Variants in RBFOX1 observed in about 807,000 individuals in gnomAD.
RBFOX1 encodes RNA binding fox-1 homolog 1.
In RBFOX1, 8 loss-of-function variants were observed where a neutral mutation model predicts 57.7. That is an observed-to-expected ratio of 0.14 (90% confidence interval 0.08 to 0.25). RBFOX1 has a LOEUF of 0.25. Among genes scored for constraint, RBFOX1 ranks in the 10% least tolerant of loss-of-function variants. The pLI is 1.00. For missense variants in RBFOX1, 611 were observed against 548.5 expected (o/e 1.11, Z -1.14); for synonymous variants, 326 against 222.4 (o/e 1.47, Z -4.15).
At chr16:7,329,867 A>G (rs528518118) in intron 4 of RBFOX1, among the ~76,000 whole-genome samples, 14 of 152,188 alleles carry the variant, frequency 9.2e-5, no homozygotes, top group Non-Finnish European at 1.9e-4. Flanking sequence ...TCCTGTATGT[A>G]ATATATCTCT....
intron 11 of RBFOX1, among the ~76,000 whole-genome samples, chr16:7,637,827 G>T (rs1202939387): frequency 6.6e-6 from 1 of 152,144 alleles, no homozygotes; most frequent in Non-Finnish European, 1.5e-5. Flanking sequence ...TCACTTCAAA[G>T]ATTAAAGGGG....
intron 4 of RBFOX1, among the ~76,000 whole-genome samples, chr16:7,064,629 C>G (rs545080109): frequency 6.6e-6 from 1 of 152,194 alleles, no homozygotes; most frequent in East Asian, 1.9e-4. Flanking sequence ...GCCTCCAGCA[C>G]TGTGGGGAAG....
At chr16:5,720,761 A>G (rs943303211) in intron 3 of RBFOX1, among the ~76,000 whole-genome samples, 7 of 151,858 alleles carry the variant, frequency 4.6e-5, no homozygotes, top group African/African-American at 1.7e-4. Context: ...TTATTTATGG[A>G]CTCTCAGTTC....
chr16:6,686,275 T>A (rs1347438709), intron 3 of RBFOX1, among the ~76,000 whole-genome samples: 3 of 152,164 alleles, frequency 2.0e-5, no homozygotes, highest in Non-Finnish European at 2.9e-5. Flanking sequence ...TTCATAGCAA[T>A]CGAAGGCGTC....
intron 3 of RBFOX1, among the ~76,000 whole-genome samples, chr16:7,035,496 C>T (rs561969897): frequency 1.3e-5 from 2 of 152,198 alleles, no homozygotes; most frequent in Non-Finnish European, 2.9e-5. Flanking sequence ...TTTCAGAGCG[C>T]ATTTGCAGAA....
intron 4 of RBFOX1, among the ~76,000 whole-genome samples, chr16:7,372,683 T>C (rs1005782115): frequency 6.6e-6 from 1 of 152,044 alleles, no homozygotes; most frequent in Admixed American, 6.6e-5. Context: ...TCTTCCATAA[T>C]AAATTAGGAT....
chr16:6,898,260 C>G (rs1051743521), intron 3 of RBFOX1, among the ~76,000 whole-genome samples: 2 of 152,154 alleles, frequency 1.3e-5, no homozygotes, highest in African/African-American at 4.8e-5. Flanking sequence ...GCTGTGATCA[C>G]CTGCCATCCT....
chr16:7,301,394 G>C (rs978213374), intron 4 of RBFOX1, among the ~76,000 whole-genome samples: 7 of 152,168 alleles, frequency 4.6e-5, no homozygotes, highest in African/African-American at 1.7e-4. Flanking sequence ...TGTGGATTTA[G>C]GTCTGGTTCT....
intron 4 of RBFOX1, among the ~76,000 whole-genome samples, chr16:7,410,678 A>C (rs1234720671): frequency 1.6e-5 from 2 of 125,732 alleles, no homozygotes; most frequent in Admixed American, 8.4e-5. Flanking sequence ...ACTCTATCCC[A>C]AAAACAAAAC....
At chr16:7,456,808 C>T (rs758370783) in intron 4 of RBFOX1, among the ~76,000 whole-genome samples, 5 of 152,158 alleles carry the variant, frequency 3.3e-5, no homozygotes, top group African/African-American at 1.2e-4. Context: ...GCCTTCTATT[C>T]AAGCCCTGAG....
chr16:5,338,521 C>T (rs1036711081), intron 1 of RBFOX1, among the ~76,000 whole-genome samples: 1 of 152,202 alleles, frequency 6.6e-6, no homozygotes, highest in African/African-American at 2.4e-5. Flanking sequence ...ACCTTCTTGA[C>T]AGATTTCCAG....
intron 4 of RBFOX1, among the ~76,000 whole-genome samples, chr16:7,244,689 C>A (rs566933649): frequency 1.3e-5 from 2 of 152,142 alleles, no homozygotes; most frequent in Admixed American, 6.5e-5. Context: ...TGGGTACTTT[C>A]CAGTTTTCAC....
chr16:5,891,874 C>G (rs4786067), intron 4 of RBFOX1, among the ~76,000 whole-genome samples: 48,869 of 151,934 alleles, frequency 0.32, 7,990 homozygotes, highest in East Asian at 0.36. Flanking sequence ...ATTCTAGGAA[C>G]AAAAACAACA....
intron 4 of RBFOX1, among the ~76,000 whole-genome samples, chr16:7,415,012 A>G (rs2098465011): frequency 6.6e-6 from 1 of 152,252 alleles, no homozygotes; most frequent in Non-Finnish European, 1.5e-5. Context: ...ATATGATCAC[A>G]TAGTGAATGG....
At chr16:6,316,943 A>G (rs963035426) in intron 1 of RBFOX1, 52 bp from the exon 2 acceptor site, 3 of 1,484,616 alleles carry the variant, frequency 2.0e-6, no homozygotes, top group African/African-American at 1.4e-5. Context: ...TGCGGACAAA[A>G]TTCAAGAATA....
rs188492675 is a variant in RBFOX1, at chr16:5,730,332, T to C, written c.318+131371T>C. ...AGCTTCTCATGCCTGAGAAAAAGAATCCAGAGGAGCATATAGATGGAGAGA... is the reference window on the plus strand; with the variant it reads ...AGCTTCTCATGCCTGAGAAAAAGAACCCAGAGGAGCATATAGATGGAGAGA... On this transcript the variant is annotated intron_variant, in intron 3 of 19. Transcript: ENST00000641259. Among the ~76,000 whole-genome samples the C allele has an allele frequency of 1.8e-4, 27 of 152,072 alleles. No homozygotes were observed. The East Asian group carries it at 5.2e-3, about 29-fold the overall frequency.
At chr16:5,772,224 G>A (rs999880483) in intron 3 of RBFOX1, among the ~76,000 whole-genome samples, 2 of 152,136 alleles carry the variant, frequency 1.3e-5, no homozygotes, top group Admixed American at 6.5e-5. Context: ...GAATTTATGG[G>A]GCAGAGACTC....
chr16:5,613,426 C>T (rs1303270072), intron 3 of RBFOX1, among the ~76,000 whole-genome samples: 1 of 152,120 alleles, frequency 6.6e-6, no homozygotes, highest in Non-Finnish European at 1.5e-5. Flanking sequence ...TAGGGATCTT[C>T]CACTTGCTTT....
intron 1 of RBFOX1, among the ~76,000 whole-genome samples, chr16:6,200,548 C>G (rs1434692946): frequency 6.6e-6 from 1 of 151,992 alleles, no homozygotes; most frequent in Non-Finnish European, 1.5e-5. Flanking sequence ...AACCATGGGA[C>G]TTAAGGGGAA....
Sources: gnomAD v4.1 joint callset for allele counts (sites outside exome capture counted in the v4.1 genomes callset) on GRCh38, gnomAD v4.1.1 for gene constraint, MANE v1.5 for transcripts, NCBI Gene and HGNC (gene_info 2026-07-23, HGNC 2026-07-21) for gene names.